The following RIF1 variants were observed in gnomAD, a reference collection of about 807,000 sequenced individuals.
The protein encoded by RIF1 is telomere-associated protein RIF1.
RIF1 carries 45 observed loss-of-function variants against 247.1 expected under a neutral mutation model. The ratio of observed to expected loss-of-function variants is 0.18; its 90% CI spans 0.14 to 0.23. The LOEUF (loss-of-function observed/expected upper bound fraction) is 0.23. RIF1 is among the 10% of genes least tolerant of loss of function. RIF1 has a pLI of 1.00. For missense variants in RIF1, 2,967 were observed against 2,862.5 expected, an observed-to-expected ratio of 1.04 and a Z score of -0.83; for synonymous variants, 1,087 against 978.8, an observed-to-expected ratio of 1.11 and a Z score of -2.06.
chr2:151,464,344 T>A lies in RIF1; in HGVS notation c.4824T>A (p.Ser1608=). The A allele has an allele frequency of 6.2e-7, 1 of 1,610,554 alleles. No homozygotes were observed. The highest frequency in any genetic ancestry group is 8.5e-7 in the Non-Finnish European group (1 of 1,179,062). Residue 1608 remains serine (S), a synonymous_variant, in exon 30 of 36, where the codon TCT becomes TCA. Coordinates refer to ENST00000444746, the MANE Select transcript of RIF1 (RefSeq NM_018151.5). ...ENQSHDYKAT[S]EEDVSIKSPI... ...AGTCACATGATTATAAAGCAACTTCTGAAGAAGATGTAAGCATAAAATCTC... is the reference window on the plus strand; with the variant it reads ...AGTCACATGATTATAAAGCAACTTCAGAAGAAGATGTAAGCATAAAATCTC...
chr2:151,524,654 C>CTTTTTTTTTTTTTTTT, the RIF1 span: 2 of 255,202 alleles, frequency 7.8e-6, no homozygotes, highest in South Asian at 3.0e-5. Context: ...AAGAGAGAGG[C>CTTTTTTTTTTTTTTTT]TTTTTTTTTT....
exon 14 of RIF1, chr2:151,507,944 G>A (rs568557026): frequency 8.5e-7 from 1 of 1,182,914 alleles, no homozygotes; most frequent in Non-Finnish European, 1.2e-6. Flanking sequence ...ATATCCAGAG[G>A]CATCTTCCTC....
At chr2:151,436,192 C>G (rs761988866) in intron 11 of RIF1, among the ~76,000 whole-genome samples, 1 of 152,068 alleles carries the variant, frequency 6.6e-6, no homozygotes, top group Non-Finnish European at 1.5e-5. Context: ...CGCCACTGCA[C>G]TCCAGCCTGG....
chr2:151,485,826 C>T (rs1344137948), downstream of RIF1: 4 of 1,614,138 alleles, frequency 2.5e-6, no homozygotes, highest in Non-Finnish European at 3.4e-6. Flanking sequence ...CAGTGCCATA[C>T]ATCCAGCCTT....
rs2049113776 is a variant in RIF1, at chr2:151,480,263, TAGCA to T, written c.*5193_*5196del. ...AACTCTAACTTTTGTACTCTACTTGTAGCAGAGGGAATATTTTTGGCCACAGTGT... is the reference window on the plus strand; with the variant it reads ...AACTCTAACTTTTGTACTCTACTTGTGAGGGAATATTTTTGGCCACAGTGT... On this transcript the variant is annotated 3_prime_UTR_variant, in exon 36 of 36. Transcript: ENST00000444746. 6.6e-6 allele frequency: 1 copy of T among 152,232 alleles called. No homozygotes were observed. The highest frequency in any genetic ancestry group is 2.4e-5 in the African/African-American group (1 of 41,460). The allele number at this position is 152,232 out of a possible 1,614,324, so 9.4% of individuals were successfully genotyped here. A position where few individuals can be genotyped will look rare whatever the true frequency, so the allele number is the denominator to read the frequency against.
At chr2:151,431,491 T>C (rs1008031077) in intron 9 of RIF1, among the ~76,000 whole-genome samples, 1 of 152,354 alleles carries the variant, frequency 6.6e-6, no homozygotes, top group Admixed American at 6.5e-5. Flanking sequence ...ATTATGGAGC[T>C]CTTCTCATAA....
chr2:151,520,472 T>A, the RIF1 span, among the ~76,000 whole-genome samples: 1 of 152,256 alleles, frequency 6.6e-6, no homozygotes, highest in South Asian at 2.1e-4. Flanking sequence ...AACTCCAATT[T>A]AAAAAATAAG....
At position 151,499,290 on chromosome 2, in the gene RIF1, T is replaced by TTAAA. The variant is rs1427403460; in HGVS notation, c.*514-52_*514-49dup. 6 of 1,405,766 alleles carry TTAAA rather than the reference T, an allele frequency of 4.3e-6. No individual in the cohort carries two copies. Among genetic ancestry groups the TTAAA allele is most frequent in the African/African-American group, 1.4e-5 (1 of 69,142 alleles). The allele number at this position is 1,405,766 out of a possible 1,614,324, so 87.1% of individuals were successfully genotyped here. On this transcript the variant is annotated intron_variant and NMD_transcript_variant, in intron 10 of 13. Transcript: ENST00000454583. ...AAATAATTAAAGGGATTTTTTATTT[T>TTAAA]TAAATACCGAACTAAAGTTTTCTTG...
At chr2:151,439,998 A>AAAAAAAAAAAAAC in intron 14 of RIF1, 29 bp from the exon 15 acceptor site, 1 of 889,658 alleles carries the variant, frequency 1.1e-6, no homozygotes. Flanking sequence ...AAAAAAAAGA[A>AAAAAAAAAAAAAC]CTATACCCTT....
downstream of RIF1, chr2:151,485,980 AAC>A: frequency 1.3e-6 from 2 of 1,572,238 alleles, no homozygotes; most frequent in South Asian, 1.1e-5. Context: ...TTGGATTTGC[AAC>A]AGTTAACACA....
intron 15 of RIF1, among the ~76,000 whole-genome samples, chr2:151,440,382 T>A (rs1207916622): frequency 6.6e-6 from 1 of 152,162 alleles, no homozygotes; most frequent in East Asian, 1.9e-4. Context: ...AGAGAAAAAC[T>A]AGGGTAAAGG....
rs1455961314 is a variant in RIF1 at position 151,416,885 on chromosome 2, T to A, written c.487T>A (p.Leu163Ile). The A allele has an allele frequency of 6.2e-7, 1 of 1,610,722 alleles. No individual in the cohort carries two copies. Among genetic ancestry groups the A allele is most frequent in the East Asian group, 2.2e-5 (1 of 44,784 alleles). Residue 163 changes from leucine to isoleucine, a missense_variant, in exon 6 of 36, where the codon TTA (leucine) becomes ATA (isoleucine). By Grantham distance (5) the Leu-to-Ile change is conservative. Transcript: ENST00000444746. ...THSAVVDFEA[L>I]NVIVRLIEQA... The stretch of plus-strand genomic sequence containing the variant: ...TTCTGCTGTTGTTGATTTTGAAGCA[T>A]TAAATGTTATCGTAAGGTATGCATT...
At chr2:151,455,244 T>C (rs1169649412) in intron 22 of RIF1, 85 bp downstream of exon 22, 1 of 974,254 alleles carries the variant, frequency 1.0e-6, no homozygotes, top group African/African-American at 1.7e-5. Context: ...ATCAGCTGTG[T>C]TGTAGATGGT....
At chr2:151,468,266 T>G in intron 31 of RIF1, 120 bp downstream of exon 31, 1 of 1,042,960 alleles carries the variant, frequency 9.6e-7, no homozygotes, top group Middle Eastern at 3.1e-4. Context: ...AAATATATTC[T>G]TTTGTCTGGT....
intron 20 of RIF1, among the ~76,000 whole-genome samples, chr2:151,450,914 G>C (rs1694204007): frequency 6.6e-6 from 1 of 152,142 alleles, no homozygotes; most frequent in Non-Finnish European, 1.5e-5. Flanking sequence ...TGTTTCCACT[G>C]GGTTTAGTGA....
rs758077704 is a variant in RIF1 at position 151,465,746 on chromosome 2, G to A, written c.6226G>A (p.Glu2076Lys). 1.9e-6 allele frequency: 3 copies of A among 1,613,850 alleles called. No homozygotes were observed. The highest frequency in any genetic ancestry group is 2.5e-6 in the Non-Finnish European group (3 of 1,179,740). Residue 2076 changes from glutamate (E) to lysine (K), a missense_variant, in exon 30 of 36, where the codon GAA (glutamate) becomes AAA (lysine). Around this residue, in one of 7 missense-constraint regions of RIF1, gnomAD observed 2,028 missense variants for 1,825.6 expected, o/e 1.11. Coordinates refer to ENST00000444746, the MANE Select transcript of RIF1 (RefSeq NM_018151.5). ...FVCDTVEMST[E>K]EGIIDANKTE... Reference sequence around the variant, plus strand: ...TTGTGACACAGTTGAAATGAGCACTGAAGAAGGAATCATTGACGCTAATAA... The same window carrying A: ...TTGTGACACAGTTGAAATGAGCACTAAAGAAGGAATCATTGACGCTAATAA...
chr2:151,476,568 T>C lies in RIF1; in HGVS notation c.*1497T>C, dbSNP rs540232347. On this transcript the variant is annotated 3_prime_UTR_variant, in exon 36 of 36. Coordinates refer to ENST00000444746, the MANE Select transcript of RIF1 (RefSeq NM_018151.5). ...TAGCTCTCGTATATTCAGGGATCTC[T>C]ATAAAAGTTGGTGTCTTTTTTCATC... 2.2e-4 allele frequency: 34 copies of C among 152,332 alleles called. No individual in the cohort carries two copies. The highest frequency in any genetic ancestry group is 8.2e-4 in the African/African-American group (34 of 41,594). The allele number at this position is 152,332 out of a possible 1,614,324, so 9.4% of individuals were successfully genotyped here. A position where few individuals can be genotyped will look rare whatever the true frequency, so the allele number is the denominator to read the frequency against.
the RIF1 span, chr2:151,524,760 G>A: frequency 2.2e-5 from 15 of 685,626 alleles, no homozygotes; most frequent in Middle Eastern, 4.2e-4. Flanking sequence ...TCTGTCTCCC[G>A]GATTCAAGTG....
chr2:151,466,059 G>A lies in RIF1; in HGVS notation c.6539G>A (p.Ser2180Asn). 1 of 1,610,412 alleles carries A rather than the reference G, an allele frequency of 6.2e-7. No individual in the cohort carries two copies. The change falls in exon 30 of 36, where the codon AGC becomes AAC. Residue 2180 changes from serine (S) to asparagine (N), a missense_variant. This residue lies in a region of RIF1 where 2,028 missense variants were observed against 1,825.6 expected (regional missense o/e 1.11). Coordinates refer to ENST00000444746, the MANE Select transcript of RIF1 (RefSeq NM_018151.5). ...VWSPLASPST[S>N]ILKRGLKRSQ... ...TCTCCTTTGGCTTCTCCGTCTACGA[G>A]CATTTTAAAGAGAGGACTAAAAAGA... is the stretch of plus-strand genomic sequence containing the variant.
Sources: allele counts gnomAD v4.1 joint callset (sites outside exome capture counted in the v4.1 genomes callset), GRCh38; gene constraint gnomAD v4.1.1; regional missense constraint gnomAD v4.1.1; transcripts MANE v1.5; gene names NCBI Gene and HGNC (gene_info 2026-07-23, HGNC 2026-07-21).